The following COQ5 variants were observed in gnomAD, a reference collection of about 807,000 sequenced individuals.
The protein encoded by COQ5 is coenzyme Q5, methyltransferase, also known as 2-methoxy-6-polyprenyl-1,4-benzoquinol methylase, mitochondrial.
In COQ5, 27 loss-of-function variants were observed where a neutral mutation model predicts 40.5. The ratio of observed to expected loss-of-function variants is 0.67; its 90% CI spans 0.49 to 0.92. The LOEUF (loss-of-function observed/expected upper bound fraction) is 0.92, where lower values mean the gene tolerates loss of function less well. Among genes scored for constraint, COQ5 ranks in the 40% least tolerant of loss-of-function variants. The probability of loss-of-function intolerance (pLI) is 0.00; values close to 1 mark genes in which losing one functional copy is unlikely to be tolerated. For missense variants in COQ5, 409 were observed against 406.4 expected (o/e 1.01, Z -0.06); for synonymous variants, 141 against 150.0 (o/e 0.94, Z 0.44).
chr12:120,528,414 C>T (rs1354541174), intron 1 of COQ5, among the ~76,000 whole-genome samples: 1 of 152,110 alleles, frequency 6.6e-6, no homozygotes, highest in Non-Finnish European at 1.5e-5. Context: ...ATACCCACTA[C>T]TGGAATGTTG....
intron 3 of COQ5, among the ~76,000 whole-genome samples, chr12:120,515,325 A>T (rs2137084949): frequency 6.6e-6 from 1 of 152,126 alleles, no homozygotes; most frequent in South Asian, 2.1e-4. Context: ...CCTGGCTTCA[A>T]GCGATCCTTC....
chr12:120,503,925 G>T (rs1038308966), intron 6 of COQ5, 40 bp from the exon 7 acceptor site: 1 of 1,597,742 alleles, frequency 6.3e-7, no homozygotes, highest in South Asian at 1.1e-5. Flanking sequence ...GGGTAGCCTG[G>T]ATATCACTGT....
intron 3 of COQ5, among the ~76,000 whole-genome samples, chr12:120,511,248 C>G (rs1869124157): frequency 7.2e-6 from 1 of 138,846 alleles, no homozygotes; most frequent in South Asian, 2.4e-4. Flanking sequence ...CAGAGCGAGA[C>G]TCTGTCTCAA....
intron 4 of COQ5, among the ~76,000 whole-genome samples, chr12:120,506,462 G>A (rs893433139): frequency 2.6e-5 from 4 of 151,832 alleles, no homozygotes; most frequent in Non-Finnish European, 4.4e-5. Context: ...TGCCTCCTAG[G>A]TTCAAGTGAT....
intron 1 of COQ5, among the ~76,000 whole-genome samples, chr12:120,528,015 A>AAAAAAAAAAAAAAAAAAC (rs1870040627): frequency 7.0e-6 from 1 of 142,170 alleles, no homozygotes; most frequent in Non-Finnish European, 1.5e-5. Context: ...AAAAAAAAAA[A>AAAAAAAAAAAAAAAAAAC]AAAAAAAGAA....
At chr12:120,517,019 G>A (rs572605153) in intron 2 of COQ5, among the ~76,000 whole-genome samples, 8 of 152,074 alleles carry the variant, frequency 5.3e-5, no homozygotes, top group African/African-American at 1.7e-4. Context: ...GTGTGTGAAC[G>A]TGGAAGTTTC....
At chr12:120,510,526 C>T (rs2137081125) in intron 3 of COQ5, among the ~76,000 whole-genome samples, 1 of 152,228 alleles carries the variant, frequency 6.6e-6, no homozygotes, top group East Asian at 1.9e-4. Context: ...CTTGCCCAGG[C>T]TGGTCTCAAA....
At chr12:120,525,376 C>G (rs59201986) in intron 1 of COQ5, among the ~76,000 whole-genome samples, 1 of 151,796 alleles carries the variant, frequency 6.6e-6, no homozygotes, top group African/African-American at 2.4e-5. Flanking sequence ...GGATTACAGG[C>G]GTGAGCCACC....
chr12:120,520,779 C>T lies in COQ5; in HGVS notation c.352+1435G>A, dbSNP rs971200010. Among the ~76,000 whole-genome samples the T allele has an allele frequency of 5.3e-5, 8 of 152,088 alleles. No homozygotes were observed. In the South Asian group the frequency reaches 1.5e-3, roughly 28 times the overall value. On this transcript the variant is annotated intron_variant, in intron 2 of 6. Transcript: ENST00000288532. ...AGCCTCTAATGTAATTTAACATGTA[C>T]GATGACATCACCAAGACGCATTGTG...
chr12:120,513,451 G>A (rs1361789497), intron 3 of COQ5, among the ~76,000 whole-genome samples: 5 of 149,592 alleles, frequency 3.3e-5, no homozygotes, highest in East Asian at 2.1e-4. Context: ...GCAGTGAGCC[G>A]AGATTGCGCC....
intron 4 of COQ5, among the ~76,000 whole-genome samples, chr12:120,509,159 A>C (rs191136923): frequency 2.6e-5 from 4 of 152,272 alleles, no homozygotes; most frequent in Non-Finnish European, 1.5e-5. Context: ...ACCAGAGACC[A>C]TGTTACTGAA....
chr12:120,523,724 T>G (rs1318635369), intron 1 of COQ5, among the ~76,000 whole-genome samples: 1 of 152,154 alleles, frequency 6.6e-6, no homozygotes, highest in East Asian at 1.9e-4. Context: ...ATTAGAAGTA[T>G]GCATACAGGG....
chr12:120,527,251 T>G (rs1177935698), intron 1 of COQ5: 1 of 151,796 alleles, frequency 6.6e-6, no homozygotes, highest in Non-Finnish European at 1.5e-5. Flanking sequence ...CTTGGCTAAT[T>G]TTTTTTGTAT....
intron 3 of COQ5, among the ~76,000 whole-genome samples, chr12:120,511,484 T>C (rs142683339): frequency 6.6e-6 from 1 of 151,878 alleles, no homozygotes; most frequent in Non-Finnish European, 1.5e-5. Context: ...AAAGTGAACA[T>C]CAGAAAGGTT....
At chr12:120,523,424 T>C (rs1439044663) in intron 1 of COQ5, 3 of 407,214 alleles carry the variant, frequency 7.4e-6, no homozygotes, top group African/African-American at 4.2e-5. Context: ...GTGTGTGGTG[T>C]GGTTCTTAGA....
chr12:120,518,282 A>G (rs1869475728), intron 2 of COQ5, among the ~76,000 whole-genome samples: 1 of 152,098 alleles, frequency 6.6e-6, no homozygotes. Context: ...TACAAAAATT[A>G]GCCAGGTGTG....
Position 120,503,319 on chromosome 12 carries a change from C to A in COQ5, c.*465G>T. 1 of 329,226 alleles carries A rather than the reference C, an allele frequency of 3.0e-6. No individual in the cohort carries two copies. The allele number at this position is 329,226 out of a possible 1,614,324, so 20.4% of individuals were successfully genotyped here. ...GTTTACTGGTTCAGCACACAATTCT[C>A]ATGATCATTAATACTCTGACTTGGG... On this transcript the variant is annotated 3_prime_UTR_variant, in exon 7 of 7. Coordinates refer to ENST00000288532, the MANE Select transcript of COQ5 (RefSeq NM_032314.4).
intron 4 of COQ5, among the ~76,000 whole-genome samples, chr12:120,506,528 G>A (rs1346847154): frequency 6.6e-6 from 1 of 151,742 alleles, no homozygotes; most frequent in African/African-American, 2.4e-5. Context: ...CACCACACCC[G>A]GCTAATTTTT....
At chr12:120,507,919 A>G (rs1180928907) in intron 4 of COQ5, among the ~76,000 whole-genome samples, 2 of 151,658 alleles carry the variant, frequency 1.3e-5, no homozygotes, top group African/African-American at 4.8e-5. Context: ...ATAAAAAAAT[A>G]AAAAGAGCCA....
Sources: allele counts gnomAD v4.1 joint callset (sites outside exome capture counted in the v4.1 genomes callset), GRCh38; gene constraint gnomAD v4.1.1; transcripts MANE v1.5; gene names NCBI Gene and HGNC (gene_info 2026-07-23, HGNC 2026-07-21).